The following SLC66A3 variants were observed in gnomAD, a reference collection of about 807,000 sequenced individuals.
SLC66A3 encodes the protein PQ loop repeat containing 3.
A neutral mutation model predicts 25.5 loss-of-function variants in SLC66A3; 23 were observed. The ratio of observed to expected loss-of-function variants is 0.90; its 90% CI spans 0.65 to 1.28. The LOEUF is 1.28. Ranked by LOEUF, SLC66A3 falls within the 50% of genes most tolerant of loss-of-function variation. The probability of loss-of-function intolerance (pLI) is 0.00; values close to 1 mark genes in which losing one functional copy is unlikely to be tolerated. For synonymous variants in SLC66A3, 108 were observed against 112.6 expected (o/e 0.96, Z 0.26); for missense variants, 246 against 262.1 (o/e 0.94, Z 0.42).
At chr2:11,159,245 C>G (rs1387058375) in intron 1 of SLC66A3, among the ~76,000 whole-genome samples, 1 of 152,188 alleles carries the variant, frequency 6.6e-6, no homozygotes, top group Non-Finnish European at 1.5e-5. Context: ...GCAGCCTCCC[C>G]CTCTGCCAGC....
chr2:11,175,561 G>A lies in SLC66A3; in HGVS notation c.517+552G>A, dbSNP rs550785176. On this transcript the variant is annotated intron_variant, in intron 6 of 6. Transcript: ENST00000295083. ...GCGGGTTTCAGGAGAGGAAGGATGC[G>A]AGACTGGCAGTGGCCCAAGTATCCA... Among the ~76,000 whole-genome samples the A allele has an allele frequency of 2.4e-4, 36 of 152,340 alleles. 1 individual carries two copies. The highest frequency in any genetic ancestry group is 8.7e-4 in the African/African-American group (36 of 41,584).
intron 4 of SLC66A3, among the ~76,000 whole-genome samples, chr2:11,169,101 T>A (rs1341110328): frequency 1.3e-5 from 2 of 152,190 alleles, no homozygotes; most frequent in East Asian, 1.9e-4. Context: ...CAAGTGATCC[T>A]CCTGCCTTGG....
At chr2:11,174,625 T>A (rs1261067720) in intron 5 of SLC66A3, among the ~76,000 whole-genome samples, 2 of 151,678 alleles carry the variant, frequency 1.3e-5, no homozygotes, top group African/African-American at 2.4e-5. Flanking sequence ...GCCTCCTGAG[T>A]AGCTGGGATT....
At chr2:11,164,563 T>C (rs1386019477) in intron 4 of SLC66A3, among the ~76,000 whole-genome samples, 1 of 151,172 alleles carries the variant, frequency 6.6e-6, no homozygotes, top group Non-Finnish European at 1.5e-5. Context: ...TATTTATTGT[T>C]ATTCTTGGGT....
chr2:11,155,744 T>C, intron 1 of SLC66A3, 55 bp downstream of exon 1: 1 of 1,308,354 alleles, frequency 7.6e-7, no homozygotes, highest in South Asian at 2.0e-5. Flanking sequence ...TGCTGCCGGC[T>C]GGGAGCCCAG....
chr2:11,158,040 C>A (rs1411657847), intron 1 of SLC66A3, among the ~76,000 whole-genome samples: 1 of 152,332 alleles, frequency 6.6e-6, no homozygotes, highest in East Asian at 1.9e-4. Context: ...CCACCCCTTG[C>A]TCCAGGTCAC....
intron 5 of SLC66A3, chr2:11,172,779 G>A (rs764987319): frequency 2.3e-6 from 1 of 438,912 alleles, no homozygotes; most frequent in Non-Finnish European, 4.6e-6. Flanking sequence ...AGGCTGGAGT[G>A]CAGTGATACG....
intron 4 of SLC66A3, among the ~76,000 whole-genome samples, chr2:11,166,431 A>G (rs1294747283): frequency 6.6e-6 from 1 of 151,870 alleles, no homozygotes. Flanking sequence ...TGCCTGCCAC[A>G]CGCAGACTCA....
chr2:11,160,184 T>C (rs1662065809), intron 1 of SLC66A3: 1 of 502,104 alleles, frequency 2.0e-6, no homozygotes, highest in Non-Finnish European at 3.6e-6. Context: ...GGATTTGCCT[T>C]CTGTAAAAAT....
intron 5 of SLC66A3, among the ~76,000 whole-genome samples, chr2:11,174,447 GT>G (rs1333065218): frequency 6.6e-6 from 1 of 152,184 alleles, no homozygotes; most frequent in Non-Finnish European, 1.5e-5. Flanking sequence ...CTCATGAGCA[GT>G]TTCAAAACCA....
Position 11,164,327 on chromosome 2 carries a change from T to TTATATA in SLC66A3, c.354+80_354+85dup, listed in dbSNP as rs1161882465. On this transcript the variant is annotated intron_variant, in intron 4 of 6. Transcript: ENST00000295083. ...ACCTTGGAGAGAACTTGATAGATAT[T>TTATATA]TATATATATATATATATATTTTTTT... 3.0e-3 allele frequency: 531 copies of TTATATA among 176,056 alleles called. 26 individuals carry two copies. The highest frequency in any genetic ancestry group is 3.5e-3 in the Non-Finnish European group (354 of 101,900). 10.9% of individuals were successfully genotyped at this position (176,056 alleles called of 1,614,324 possible).
chr2:11,156,843 C>G (rs12185728), intron 1 of SLC66A3, among the ~76,000 whole-genome samples: 1 of 152,042 alleles, frequency 6.6e-6, no homozygotes, highest in South Asian at 2.1e-4. Flanking sequence ...GGGCAGCATG[C>G]GTTTCAGGTT....
chr2:11,162,842 G>A (rs1294276953), intron 3 of SLC66A3, among the ~76,000 whole-genome samples: 4 of 152,154 alleles, frequency 2.6e-5, no homozygotes, highest in South Asian at 4.1e-4. Context: ...TCCTGACCTC[G>A]TGATCCACCT....
At chr2:11,165,268 C>T (rs542053677) in intron 4 of SLC66A3, among the ~76,000 whole-genome samples, 25 of 129,114 alleles carry the variant, frequency 1.9e-4, no homozygotes, top group African/African-American at 5.4e-4. Context: ...CTCAGAGGGG[C>T]GGCTGCCGGG....
intron 1 of SLC66A3, among the ~76,000 whole-genome samples, chr2:11,159,434 G>C (rs1439188113): frequency 6.6e-6 from 1 of 152,160 alleles, no homozygotes; most frequent in Non-Finnish European, 1.5e-5. Flanking sequence ...TGCTGGGCAC[G>C]GTGGGGGCCC....
intron 3 of SLC66A3, among the ~76,000 whole-genome samples, chr2:11,162,737 G>C (rs1399723689): frequency 1.3e-5 from 2 of 152,094 alleles, no homozygotes; most frequent in East Asian, 3.8e-4. Context: ...CTCCCGAGTA[G>C]CTGGGACTAC....
intron 1 of SLC66A3, among the ~76,000 whole-genome samples, chr2:11,159,584 A>C (rs1010868097): frequency 8.5e-5 from 13 of 152,176 alleles, no homozygotes; most frequent in African/African-American, 3.1e-4. Context: ...GGACTTTTCC[A>C]GGATTCCTTC....
chr2:11,155,537 C>T lies in SLC66A3; in HGVS notation c.-10C>T. The T allele has an allele frequency of 6.7e-7, 1 of 1,490,740 alleles. No homozygotes were observed. Among genetic ancestry groups the T allele is most frequent in the Non-Finnish European group, 8.9e-7 (1 of 1,128,762 alleles). 92.3% of individuals were successfully genotyped at this position (1,490,740 alleles called of 1,614,324 possible). ...GCTGCGGCCGCCCAGGTGCCCGCGC[C>T]CGTGGCGCTATGGAGGCGGCGCTGC... is the stretch of plus-strand genomic sequence containing the variant. On this transcript the variant is annotated 5_prime_UTR_variant, in exon 1 of 7. Transcript: ENST00000295083.
chr2:11,157,602 A>C (rs1447423091), intron 1 of SLC66A3, among the ~76,000 whole-genome samples: 1 of 152,234 alleles, frequency 6.6e-6, no homozygotes, highest in Non-Finnish European at 1.5e-5. Flanking sequence ...AAGGAACCCC[A>C]GGGCTGTCGC....
Sources: allele counts gnomAD v4.1 joint callset (sites outside exome capture counted in the v4.1 genomes callset), GRCh38; gene constraint gnomAD v4.1.1; transcripts MANE v1.5; gene names NCBI Gene and HGNC (gene_info 2026-07-23, HGNC 2026-07-21).